F9: variants seen among roughly 807,000 people sequenced by gnomAD.
F9 encodes coagulation factor IX, also known as Christmas factor.
A neutral mutation model predicts 34.1 loss-of-function variants in F9; 2 were observed. That is an observed-to-expected ratio of 0.06 (90% CI 0.02 to 0.18). The LOEUF (loss-of-function observed/expected upper bound fraction) is 0.18. F9 is among the 10% of genes least tolerant of loss of function. The pLI, the probability that F9 is intolerant of heterozygous loss-of-function variation, is 1.00. For synonymous variants in F9, 137 were observed against 118.8 expected, an observed-to-expected ratio of 1.15 and a Z score of -1.00; for missense variants, 216 against 345.1, an observed-to-expected ratio of 0.63 and a Z score of 2.96.
intron 4 of F9, among the ~76,000 whole-genome samples, chrX:139,543,598 A>G (rs1202006752): frequency 1.1e-4 from 12 of 112,540 alleles, no homozygotes; most frequent in Non-Finnish European, 2.1e-4. Context: ...AACTTGTTAA[A>G]TAAAACATCT....
chrX:139,537,569 G>T (rs779565118), intron 3 of F9, among the ~76,000 whole-genome samples, 183 bp downstream of exon 3: 3 of 111,261 alleles, frequency 2.7e-5, no homozygotes, highest in African/African-American at 9.8e-5. Flanking sequence ...GGGAACTATC[G>T]CTGGTAAATA....
At chrX:139,553,983 T>G (rs762916745) in intron 6 of F9, among the ~76,000 whole-genome samples, 1 of 109,955 alleles carries the variant, frequency 9.1e-6, no homozygotes, top group Admixed American at 9.7e-5. Context: ...GTCACATCAT[T>G]TCCGTTTCTC....
intron 4 of F9, among the ~76,000 whole-genome samples, chrX:139,547,070 G>A (rs1927733999): frequency 9.0e-6 from 1 of 111,386 alleles, no homozygotes; most frequent in South Asian, 3.8e-4. Context: ...TTATTATCGA[G>A]TTACATTTAT....
In F9 at chrX:139,551,167, C is replaced by T. The variant is rs1443595369; in HGVS notation, c.626C>T (p.Thr209Ile). 1 of 1,210,887 alleles carries T rather than the reference C, an allele frequency of 8.3e-7. No homozygotes were observed. Among genetic ancestry groups the T allele is most frequent in the Non-Finnish European group, 1.1e-6 (1 of 894,819 alleles). ...VDYVNSTEAE[T>I]ILDNITQSTQ... ...TATGTAAATTCTACTGAAGCTGAAA[C>T]CATTTTGGATAACATCACTCAAAGC... Residue 209 changes from threonine to isoleucine, a missense_variant, in exon 6 of 8, where the codon ACC (threonine) becomes ATC (isoleucine). By Grantham distance (89) the Thr-to-Ile change is moderately conservative. This residue lies in a region of F9 where 177 missense variants were observed against 311.8 expected (regional missense o/e 0.57). Transcript: ENST00000218099.
chrX:139,536,938 C>T (rs764767654), intron 1 of F9, 72 bp from the exon 2 acceptor site: 303 of 1,044,746 alleles, frequency 2.9e-4, no homozygotes, highest in Non-Finnish European at 3.9e-4. Flanking sequence ...CAAAGACTTT[C>T]TTAAGAGATG....
rs147567879 is a variant in F9, at chrX:139,561,733, T to G, written c.1048T>G (p.Ser350Ala). 2.3e-5 allele frequency: 28 copies of G among 1,210,442 alleles called. No individual in the cohort carries two copies. The East Asian group carries it at 8.0e-4, about 35-fold the overall frequency. The change falls in exon 8 of 8, where the codon TCT (serine) becomes GCT (alanine). Residue 350 changes from serine (S) to alanine (A), a missense_variant. Around this residue, in one of 2 missense-constraint regions of F9, gnomAD observed 177 missense variants for 311.8 expected, o/e 0.57. Coordinates refer to ENST00000218099, the MANE Select transcript of F9 (RefSeq NM_000133.4). ...EYTNIFLKFG[S>A]GYVSGWGRVF... ...CACGAACATCTTCCTCAAATTTGGA[T>G]CTGGCTATGTAAGTGGCTGGGGAAG...
chrX:139,547,742 C>T (rs953171288), intron 4 of F9: 8 of 112,296 alleles, frequency 7.1e-5, no homozygotes, highest in African/African-American at 2.6e-4. Context: ...TGGAATACTA[C>T]ACAGCAATGT....
At chrX:139,552,248 C>T (rs1927862969) in intron 6 of F9, among the ~76,000 whole-genome samples, 1 of 111,882 alleles carries the variant, frequency 8.9e-6, no homozygotes, top group African/African-American at 3.3e-5. Context: ...GTTACAGAAG[C>T]CGGGGTTCAA....
chrX:139,558,755 A>G (rs975914976), intron 6 of F9, among the ~76,000 whole-genome samples: 3 of 112,280 alleles, frequency 2.7e-5, no homozygotes, highest in African/African-American at 9.7e-5. Context: ...CAGTAGATAT[A>G]TAACAGGTCT....
chrX:139,532,804 G>A (rs1927373526), intron 1 of F9, among the ~76,000 whole-genome samples: 1 of 112,197 alleles, frequency 8.9e-6, no homozygotes, highest in African/African-American at 3.2e-5. Flanking sequence ...AGATTTGCAA[G>A]AACGTGAGGT....
At chrX:139,543,133 G>T (rs1459777653) in intron 4 of F9, among the ~76,000 whole-genome samples, 4 of 108,538 alleles carry the variant, frequency 3.7e-5, no homozygotes, top group African/African-American at 6.7e-5. Flanking sequence ...CAAGTCTTTT[G>T]TCTTATAAGG....
At chrX:139,551,724 A>G (rs755022878) in intron 6 of F9, among the ~76,000 whole-genome samples, 34 of 111,538 alleles carry the variant, frequency 3.0e-4, no homozygotes, top group Non-Finnish European at 6.2e-4. Flanking sequence ...GGCATGAGAG[A>G]GAGTCTTGAT....
At chrX:139,546,921 C>CT (rs1193415338) in intron 4 of F9, among the ~76,000 whole-genome samples, 10 of 111,593 alleles carry the variant, frequency 9.0e-5, no homozygotes, top group African/African-American at 3.2e-4. Context: ...GCCCAGCAGG[C>CT]TTTTTTTGGT....
At chrX:139,545,079 A>G (rs1040689534) in intron 4 of F9, 6 of 111,818 alleles carry the variant, frequency 5.4e-5, no homozygotes, top group Non-Finnish European at 1.1e-4. Context: ...ACATCCACCC[A>G]GAGCTAATCA....
intron 1 of F9, among the ~76,000 whole-genome samples, chrX:139,535,579 G>A (rs1209150134): frequency 9.0e-6 from 1 of 110,836 alleles, no homozygotes; most frequent in Non-Finnish European, 1.9e-5. Flanking sequence ...AGTTAATCAG[G>A]AAGTAGTCCC....
intron 5 of F9, among the ~76,000 whole-genome samples, chrX:139,549,091 T>G (rs1448906208): frequency 1.8e-5 from 2 of 111,598 alleles, no homozygotes; most frequent in Non-Finnish European, 3.8e-5. Context: ...CTGATTAGTG[T>G]ATTCAGAACA....
At chrX:139,547,214 A>G (rs1254589889) in intron 4 of F9, 1 of 111,875 alleles carries the variant, frequency 8.9e-6, no homozygotes, top group African/African-American at 3.2e-5. Flanking sequence ...GAAGGAAATT[A>G]TTGGTGTTTT....
chrX:139,554,292 A>G (rs1569331317), intron 6 of F9, among the ~76,000 whole-genome samples: 1 of 112,275 alleles, frequency 8.9e-6, no homozygotes, highest in Admixed American at 9.4e-5. Context: ...ACACATACAC[A>G]TGCACATATG....
At chrX:139,541,803 T>G (rs1927607197) in intron 4 of F9, among the ~76,000 whole-genome samples, 1 of 112,214 alleles carries the variant, frequency 8.9e-6, no homozygotes, top group Non-Finnish European at 1.9e-5. Context: ...ACATCAAAAA[T>G]GTTACATAGC....
Sources: gnomAD v4.1 joint callset for allele counts (sites outside exome capture counted in the v4.1 genomes callset) on GRCh38, gnomAD v4.1.1 for gene constraint, gnomAD v4.1.1 regional missense constraint, MANE v1.5 for transcripts, NCBI Gene and HGNC (gene_info 2026-07-23, HGNC 2026-07-21) for gene names.